Variants in ODF2L observed in about 807,000 individuals in gnomAD.
The protein encoded by ODF2L is outer dense fiber of sperm tails 2 like.
Under a neutral mutation model 86.3 loss-of-function variants are expected in ODF2L, and 76 were observed. The ratio of observed to expected loss-of-function variants is 0.88; its 90% CI spans 0.73 to 1.07. The LOEUF is 1.07. Among genes scored for constraint, ODF2L ranks in the 50% least tolerant of loss-of-function variants. The probability of loss-of-function intolerance (pLI) is 0.00; values close to 1 mark genes in which losing one functional copy is unlikely to be tolerated. For synonymous variants in ODF2L, 241 were observed against 231.3 expected (o/e 1.04, Z -0.38); for missense variants, 748 against 717.4 (o/e 1.04, Z -0.49).
At chr1:86,393,016 C>G (rs200343118) in intron 1 of ODF2L, among the ~76,000 whole-genome samples, 6 of 152,096 alleles carry the variant, frequency 3.9e-5, no homozygotes, top group African/African-American at 1.2e-4. Context: ...TCCACTGTGG[C>G]CAACAGCAAG....
At chr1:86,385,684 T>C (rs946455698) in intron 2 of ODF2L, 94 bp from the exon 3 acceptor site, 76 of 848,980 alleles carry the variant, frequency 9.0e-5, no homozygotes, top group Non-Finnish European at 1.3e-4. Flanking sequence ...GTACTCTTAA[T>C]AGCAAGGACA....
chr1:86,355,656 A>C (rs760383861), intron 14 of ODF2L, among the ~76,000 whole-genome samples: 9 of 152,018 alleles, frequency 5.9e-5, no homozygotes, highest in Non-Finnish European at 1.2e-4. Flanking sequence ...CCTGTTAGTT[A>C]TTTTTTCTGA....
At chr1:86,355,781 GTATT>G (rs1658508742) in intron 14 of ODF2L, among the ~76,000 whole-genome samples, 1 of 136,024 alleles carries the variant, frequency 7.4e-6, no homozygotes, top group Non-Finnish European at 1.6e-5. Context: ...AGAAAATGCA[GTATT>G]TTTTTTTGCA....
Position 86,372,545 on chromosome 1 carries a change from A to G in ODF2L, c.811-5T>C. On this transcript the variant is annotated splice_polypyrimidine_tract_variant and splice_region_variant and intron_variant, in intron 8 of 17. Transcript: ENST00000317336. ...TGTTTCAGACAACTTGGCTTCCTAA[A>G]AAATACATAAAAGTATTCATACTAT... 7.1e-7 allele frequency: 1 copy of G among 1,410,110 alleles called. No homozygotes were observed. Among genetic ancestry groups the G allele is most frequent in the South Asian group, 1.4e-5 (1 of 69,632 alleles). The allele number at this position is 1,410,110 out of a possible 1,614,324, so 87.3% of individuals were successfully genotyped here. A position where few individuals can be genotyped will look rare whatever the true frequency, so the allele number is the denominator to read the frequency against.
chr1:86,373,327 G>A (rs1456399752), intron 8 of ODF2L, among the ~76,000 whole-genome samples: 5 of 143,936 alleles, frequency 3.5e-5, no homozygotes, highest in Non-Finnish European at 7.5e-5. Flanking sequence ...TGGCTGAAGT[G>A]CAGTGGCACG....
intron 7 of ODF2L, among the ~76,000 whole-genome samples, chr1:86,380,612 C>G (rs1277334678): frequency 6.6e-6 from 1 of 152,146 alleles, no homozygotes; most frequent in African/African-American, 2.4e-5. Flanking sequence ...AAGGAGTATA[C>G]TGAAATGACA....
rs747504441 is a variant in ODF2L, at chr1:86,371,125, T to C, written c.949A>G (p.Lys317Glu). Residue 317 changes from lysine (K) to glutamate (E), a missense_variant, in exon 10 of 18, where the codon AAG becomes GAG. Coordinates refer to ENST00000317336, the Ensembl canonical transcript of ODF2L. Reference sequence around the variant, plus strand: ...TTTTTTCCATGGTCTTCCATTTTCTTCAGATCTTCCAAAAGATTAATGATT... The same window carrying C: ...TTTTTTCCATGGTCTTCCATTTTCTCCAGATCTTCCAAAAGATTAATGATT... 16 of 1,535,208 alleles carry C rather than the reference T, an allele frequency of 1.0e-5. No individual in the cohort carries two copies. In the Admixed American group the frequency reaches 1.3e-4, roughly 12 times the overall value.
intron 6 of ODF2L, 53 bp from the exon 7 acceptor site, chr1:86,382,411 C>T (rs1570422392): frequency 1.9e-6 from 3 of 1,595,982 alleles, no homozygotes; most frequent in Non-Finnish European, 2.6e-6. Flanking sequence ...TTGCTGTATC[C>T]CCAGCCCAAT....
chr1:86,351,684 A>T (rs1293418824), exon 18 of ODF2L: 1 of 156,372 alleles, frequency 6.4e-6, no homozygotes, highest in Non-Finnish European at 1.4e-5. Context: ...TACTTTGGGG[A>T]GTATAGCCAT....
chr1:86,382,703 G>A (rs1164230441), intron 6 of ODF2L, among the ~76,000 whole-genome samples: 1 of 151,690 alleles, frequency 6.6e-6, no homozygotes, highest in African/African-American at 2.4e-5. Context: ...GTTCCTATAT[G>A]AAGTGATTTA....
intron 11 of ODF2L, among the ~76,000 whole-genome samples, chr1:86,364,409 AG>A: frequency 6.6e-6 from 1 of 152,330 alleles, no homozygotes; most frequent in Middle Eastern, 3.4e-3. Context: ...TTTAAAGGAA[AG>A]GTAGGATTTA....
exon 10 of ODF2L, chr1:86,371,144 A>G: frequency 6.7e-7 from 1 of 1,489,106 alleles, no homozygotes; most frequent in Non-Finnish European, 9.1e-7. Context: ...CCAAAAGATT[A>G]ATGATTTGCC....
At chr1:86,371,117 C>A in exon 10 of ODF2L, 1 of 1,539,170 alleles carries the variant, frequency 6.5e-7, no homozygotes, top group Non-Finnish European at 8.9e-7. Flanking sequence ...CATGGTCTTC[C>A]ATTTTCTTCA....
At chr1:86,389,564 G>GAAAAAAAAAAAAAAAA (rs66716003) in intron 1 of ODF2L, among the ~76,000 whole-genome samples, 1 of 122,014 alleles carries the variant, frequency 8.2e-6, no homozygotes, top group Non-Finnish European at 1.7e-5. Context: ...AAATGAAACT[G>GAAAAAAAAAAAAAAAA]AAAAAAAAAA....
intron 6 of ODF2L, 77 bp downstream of exon 6, chr1:86,382,854 T>G: frequency 1.3e-6 from 1 of 750,328 alleles, no homozygotes; most frequent in Non-Finnish European, 2.4e-6. Context: ...TTCTGAGGAG[T>G]TGGGGCCAGG....
intron 14 of ODF2L, chr1:86,355,258 A>AT (rs1658452840): frequency 1.2e-6 from 1 of 845,014 alleles, no homozygotes; most frequent in African/African-American, 1.7e-5. Context: ...CTGATTAATA[A>AT]TTGAGTATCT....
At chr1:86,389,608 T>C (rs1396865032) in intron 1 of ODF2L, among the ~76,000 whole-genome samples, 30 of 142,874 alleles carry the variant, frequency 2.1e-4, no homozygotes, top group Admixed American at 2.1e-3. Context: ...AAAAAGCTGG[T>C]CCTTTGAAAA....
chr1:86,353,825 G>A (rs907489054), intron 16 of ODF2L, among the ~76,000 whole-genome samples: 2 of 152,226 alleles, frequency 1.3e-5, no homozygotes, highest in African/African-American at 4.8e-5. Context: ...CGTCCCCTCA[G>A]TGTGGGCAAT....
intron 8 of ODF2L, 59 bp from the exon 9 acceptor site, chr1:86,372,599 A>C: frequency 2.3e-6 from 2 of 852,586 alleles, no homozygotes; most frequent in Non-Finnish European, 3.5e-6. Context: ...TTTTGTTCAG[A>C]TCTCTAAACA....
Sources: gnomAD v4.1 joint callset for allele counts (sites outside exome capture counted in the v4.1 genomes callset) on GRCh38, gnomAD v4.1.1 for gene constraint, MANE v1.5 for transcripts, NCBI Gene and HGNC (gene_info 2026-07-23, HGNC 2026-07-21) for gene names.